The following MIPOL1 variants were observed in gnomAD, a reference collection of about 807,000 sequenced individuals.
The protein encoded by MIPOL1 is mirror-image polydactyly gene 1 protein.
Under a neutral mutation model 60.9 loss-of-function variants are expected in MIPOL1, and 57 were observed. The observed-to-expected ratio is 0.94, with a 90% CI of 0.76 to 1.17. MIPOL1 has a LOEUF of 1.17. Among genes scored for constraint, MIPOL1 ranks in the 50% most tolerant of loss-of-function variants. MIPOL1 has a pLI of 0.00. For missense variants in MIPOL1, 551 were observed against 511.6 expected, an observed-to-expected ratio of 1.08 and a Z score of -0.74; for synonymous variants, 179 against 168.8, an observed-to-expected ratio of 1.06 and a Z score of -0.47.
intron 1 of MIPOL1, among the ~76,000 whole-genome samples, chr14:37,211,015 G>A (rs756347435): frequency 2.2e-4 from 34 of 152,320 alleles, no homozygotes; most frequent in Middle Eastern, 3.4e-3. Context: ...GGAAAGGTGA[G>A]TACAGCCAGC....
Position 37,267,041 on chromosome 14 carries a change from A to T in MIPOL1, c.123A>T (p.Lys41Asn). The T allele has an allele frequency of 6.2e-7, 1 of 1,614,032 alleles. No homozygotes were observed. The highest frequency in any genetic ancestry group is 8.5e-7 in the Non-Finnish European group (1 of 1,179,970). ...ATTCTGAGAAAAGTATGCATCGGAA[A>T]TCCACTGAATTAGTTAATGAAATAA... ...TMNSEKSMHR[K>N]STELVNEITC... The change falls in exon 4 of 13, where the codon AAA becomes AAT. Residue 41 changes from lysine to asparagine, a missense_variant. Lys to Asn is a moderately conservative substitution (Grantham distance 94, BLOSUM62 0). Transcript: ENST00000684589.
At chr14:37,534,430 A>T (rs1200282612) in intron 12 of MIPOL1, among the ~76,000 whole-genome samples, 1 of 152,216 alleles carries the variant, frequency 6.6e-6, no homozygotes, top group Non-Finnish European at 1.5e-5. Context: ...GGTCAGCAGC[A>T]AAATTTCAAC....
At chr14:37,304,057 T>A (rs950766064) in intron 7 of MIPOL1, among the ~76,000 whole-genome samples, 3 of 151,790 alleles carry the variant, frequency 2.0e-5, no homozygotes, top group Admixed American at 6.6e-5. Flanking sequence ...TGTTTTAGAG[T>A]ACATCTTGAT....
At chr14:37,435,322 C>A (rs1201313315) in intron 11 of MIPOL1, among the ~76,000 whole-genome samples, 1 of 152,098 alleles carries the variant, frequency 6.6e-6, no homozygotes, top group Non-Finnish European at 1.5e-5. Flanking sequence ...AGTGTTCTAC[C>A]CCCGGAATGT....
At chr14:37,440,832 T>A (rs2094231893) in intron 11 of MIPOL1, among the ~76,000 whole-genome samples, 3 of 152,274 alleles carry the variant, frequency 2.0e-5, no homozygotes, top group Admixed American at 2.0e-4. Flanking sequence ...CTTTGAGAAA[T>A]CTCCATACTG....
chr14:37,259,777 A>G (rs1193427974), intron 3 of MIPOL1, among the ~76,000 whole-genome samples: 1 of 152,078 alleles, frequency 6.6e-6, no homozygotes, highest in Non-Finnish European at 1.5e-5. Context: ...AATATTACTC[A>G]TTATTTCTTG....
chr14:37,356,080 T>C (rs2153478211), intron 9 of MIPOL1, among the ~76,000 whole-genome samples: 3 of 148,220 alleles, frequency 2.0e-5, no homozygotes, highest in African/African-American at 7.4e-5. Context: ...TACAGATGGG[T>C]TTTTGGTGTG....
intron 12 of MIPOL1, among the ~76,000 whole-genome samples, chr14:37,529,640 G>A (rs1387901688): frequency 2.0e-5 from 3 of 152,058 alleles, no homozygotes; most frequent in African/African-American, 4.8e-5. Flanking sequence ...CAGGTAATAC[G>A]GCGACAAGGA....
chr14:37,333,585 A>G (rs531985750), intron 9 of MIPOL1, among the ~76,000 whole-genome samples: 8 of 152,262 alleles, frequency 5.3e-5, no homozygotes, highest in African/African-American at 1.7e-4. Context: ...AAATATAAGA[A>G]AGTTGCTATG....
At chr14:37,264,008 G>A (rs1451486752) in intron 3 of MIPOL1, among the ~76,000 whole-genome samples, 1 of 151,972 alleles carries the variant, frequency 6.6e-6, no homozygotes, top group African/African-American at 2.4e-5. Flanking sequence ...TTATATTTCT[G>A]TATGCAGTTC....
chr14:37,234,213 G>A (rs1971068761), intron 1 of MIPOL1, among the ~76,000 whole-genome samples: 2 of 151,762 alleles, frequency 1.3e-5, no homozygotes, highest in Admixed American at 1.3e-4. Context: ...GTTAGTTATT[G>A]TTTCTGCTGT....
chr14:37,483,203 C>A (rs2094898713), intron 11 of MIPOL1, among the ~76,000 whole-genome samples: 1 of 151,218 alleles, frequency 6.6e-6, no homozygotes, highest in African/African-American at 2.4e-5. Flanking sequence ...ACCTCCGCCT[C>A]CTGGGTTCAA....
chr14:37,464,814 T>C (rs933446994), intron 11 of MIPOL1, among the ~76,000 whole-genome samples: 3 of 152,216 alleles, frequency 2.0e-5, no homozygotes, highest in Middle Eastern at 3.2e-3. Context: ...TAAGCAATTG[T>C]GTTTCAGTGC....
intron 3 of MIPOL1, among the ~76,000 whole-genome samples, chr14:37,250,180 T>G (rs1973860089): frequency 6.6e-6 from 1 of 152,150 alleles, no homozygotes; most frequent in African/African-American, 2.4e-5. Context: ...AAAATCTACA[T>G]TTTTACAGGC....
intron 9 of MIPOL1, among the ~76,000 whole-genome samples, chr14:37,343,735 T>C (rs1028468435): frequency 6.6e-5 from 10 of 152,220 alleles, no homozygotes; most frequent in African/African-American, 2.4e-4. Flanking sequence ...TTCTGCATGA[T>C]ATAATTCTTC....
At chr14:37,380,375 T>C (rs2092893714) in intron 10 of MIPOL1, among the ~76,000 whole-genome samples, 1 of 152,102 alleles carries the variant, frequency 6.6e-6, no homozygotes, top group Admixed American at 6.6e-5. Context: ...GCATACCAAA[T>C]GTGGAATTGC....
At chr14:37,396,008 T>C (rs1463984235) in intron 10 of MIPOL1, among the ~76,000 whole-genome samples, 1 of 152,150 alleles carries the variant, frequency 6.6e-6, no homozygotes, top group East Asian at 1.9e-4. Flanking sequence ...TTACTTTCAA[T>C]GTTAGTACTG....
intron 11 of MIPOL1, among the ~76,000 whole-genome samples, chr14:37,489,031 G>A (rs2094999865): frequency 1.3e-5 from 2 of 152,194 alleles, no homozygotes; most frequent in African/African-American, 2.4e-5. Context: ...CCTAAAGAGT[G>A]TTTTCCAACT....
chr14:37,540,985 C>G (rs1422694055), intron 12 of MIPOL1, among the ~76,000 whole-genome samples: 1 of 152,168 alleles, frequency 6.6e-6, no homozygotes, highest in Non-Finnish European at 1.5e-5. Context: ...ATATGAGTTT[C>G]AGGCATCTCA....
Sources: allele counts gnomAD v4.1 joint callset (sites outside exome capture counted in the v4.1 genomes callset), GRCh38; gene constraint gnomAD v4.1.1; transcripts MANE v1.5; gene names NCBI Gene and HGNC (gene_info 2026-07-23, HGNC 2026-07-21).